The following AKAP6 variants were observed in gnomAD, a reference collection of about 807,000 sequenced individuals.
AKAP6 encodes A-kinase anchoring protein 6.
Under a neutral mutation model 188.5 loss-of-function variants are expected in AKAP6, and 58 were observed. The ratio of observed to expected loss-of-function variants is 0.31; its 90% CI spans 0.25 to 0.38. The LOEUF is 0.38. AKAP6 is among the 10% of genes least tolerant of loss of function. AKAP6 has a pLI of 1.00. For synonymous variants in AKAP6, 989 were observed against 998.6 expected (o/e 0.99, Z 0.18); for missense variants, 2,710 against 2,740.0 (o/e 0.99, Z 0.24).
chr14:32,453,660 G>A (rs1296665505), intron 2 of AKAP6, among the ~76,000 whole-genome samples: 31 of 129,236 alleles, frequency 2.4e-4, no homozygotes, highest in African/African-American at 8.6e-4. Flanking sequence ...GCAGTGGCGC[G>A]ATCTCCGCTC....
At chr14:32,596,161 G>A (rs572115987) in intron 5 of AKAP6, among the ~76,000 whole-genome samples, 3 of 152,190 alleles carry the variant, frequency 2.0e-5, no homozygotes, top group South Asian at 2.1e-4. Context: ...GGACATTTAA[G>A]CTTTTGAATG....
chr14:32,496,887 T>C (rs1381886866), intron 2 of AKAP6, among the ~76,000 whole-genome samples: 1 of 152,184 alleles, frequency 6.6e-6, no homozygotes, highest in East Asian at 1.9e-4. Flanking sequence ...GAGAGCTGTC[T>C]AGTTAAAAAG....
At chr14:32,342,933 C>T (rs557420189) in intron 1 of AKAP6, among the ~76,000 whole-genome samples, 1 of 152,140 alleles carries the variant, frequency 6.6e-6, no homozygotes, top group Non-Finnish European at 1.5e-5. Flanking sequence ...GAATTAATTC[C>T]AGTAGGCAGG....
intron 1 of AKAP6, among the ~76,000 whole-genome samples, chr14:32,374,346 A>C (rs1888096816): frequency 6.6e-6 from 1 of 152,258 alleles, no homozygotes; most frequent in African/African-American, 2.4e-5. Flanking sequence ...CCGGGGAGTC[A>C]TCCCAGAGGA....
intron 5 of AKAP6, among the ~76,000 whole-genome samples, chr14:32,585,046 C>A (rs1009281612): frequency 6.7e-5 from 10 of 148,196 alleles, no homozygotes; most frequent in African/African-American, 2.5e-4. Flanking sequence ...TTTTTTTTCC[C>A]CTTTAAGAGA....
At chr14:32,394,557 T>C (rs28440793) in intron 1 of AKAP6, among the ~76,000 whole-genome samples, 100 of 152,320 alleles carry the variant, frequency 6.6e-4, no homozygotes, top group African/African-American at 2.2e-3. Context: ...GGTTACCTAC[T>C]CTGAGAGAAA....
chr14:32,366,591 T>C (rs1887842269), intron 1 of AKAP6, among the ~76,000 whole-genome samples: 1 of 152,170 alleles, frequency 6.6e-6, no homozygotes, highest in Admixed American at 6.5e-5. Flanking sequence ...GGTTTTAGAA[T>C]GTTGACTTTA....
At chr14:32,582,266 A>T (rs1044457088) in intron 5 of AKAP6, among the ~76,000 whole-genome samples, 6 of 150,648 alleles carry the variant, frequency 4.0e-5, no homozygotes, top group African/African-American at 1.5e-4. Context: ...CTTAGTTTGG[A>T]TGGATATGAA....
At chr14:32,733,221 C>G (rs1315594536) in intron 10 of AKAP6, 3 of 154,696 alleles carry the variant, frequency 1.9e-5, no homozygotes, top group African/African-American at 7.2e-5. Flanking sequence ...GACTGAGATG[C>G]AAGAATCTGG....
intron 13 of AKAP6, among the ~76,000 whole-genome samples, chr14:32,827,163 A>G (rs1594992207): frequency 6.6e-6 from 1 of 152,248 alleles, no homozygotes; most frequent in Non-Finnish European, 1.5e-5. Flanking sequence ...TGTCAAGAAT[A>G]CATAGTAAAA....
chr14:32,486,043 C>CA (rs1415330810), intron 2 of AKAP6, among the ~76,000 whole-genome samples: 4 of 152,248 alleles, frequency 2.6e-5, no homozygotes, highest in African/African-American at 9.6e-5. Context: ...TATGGCTAGC[C>CA]AGTTTTCCCA....
At chr14:32,545,171 G>C in intron 3 of AKAP6, 59 bp from the exon 4 acceptor site, 2 of 1,489,988 alleles carry the variant, frequency 1.3e-6, no homozygotes, top group Non-Finnish European at 1.8e-6. Context: ...CATTTACATA[G>C]CAGCTGATGT....
intron 1 of AKAP6, among the ~76,000 whole-genome samples, chr14:32,380,566 CA>C (rs2138549591): frequency 6.6e-6 from 1 of 152,222 alleles, no homozygotes; most frequent in East Asian, 1.9e-4. Context: ...GTCGGTGGTT[CA>C]GACATTAGTA....
chr14:32,554,837 C>T (rs968414120), intron 4 of AKAP6, among the ~76,000 whole-genome samples: 4 of 152,130 alleles, frequency 2.6e-5, no homozygotes, highest in Admixed American at 6.5e-5. Flanking sequence ...TGGGATATAG[C>T]GCATGGTCCG....
chr14:32,567,953 G>T (rs1055466245), intron 4 of AKAP6, among the ~76,000 whole-genome samples: 3 of 152,088 alleles, frequency 2.0e-5, no homozygotes, highest in African/African-American at 4.8e-5. Context: ...GAGGAGAAGT[G>T]GGGGAAGAGA....
In AKAP6 at chr14:32,372,008, T is replaced by C. The variant is rs555799273; in HGVS notation, c.-35+42600T>C. On this transcript the variant is annotated intron_variant, in intron 1 of 13. Coordinates refer to ENST00000280979, the MANE Select transcript of AKAP6 (RefSeq NM_004274.5). ...TTCTCTCCTTCCTTCTCTTTTTTTT[T>C]CCCTACACATATTTATAAGTACCTA... Among the ~76,000 whole-genome samples, 14 of 152,236 alleles carry C rather than the reference T, an allele frequency of 9.2e-5. No individual in the cohort carries two copies. The East Asian group carries it at 2.3e-3, about 25-fold the overall frequency.
At chr14:32,431,036 C>T (rs1030201686) in intron 1 of AKAP6, among the ~76,000 whole-genome samples, 8 of 151,328 alleles carry the variant, frequency 5.3e-5, no homozygotes, top group Non-Finnish European at 1.0e-4. Context: ...ACCCGGGAGG[C>T]AGAGCTTGCA....
Position 32,824,509 on chromosome 14 carries a change from C to T in AKAP6, c.6696C>T (p.Pro2232=), listed in dbSNP as rs1359789823. 6.2e-7 allele frequency: 1 copy of T among 1,613,830 alleles called. No homozygotes were observed. The highest frequency in any genetic ancestry group is 2.2e-5 in the East Asian group (1 of 44,878). ...AEVGKEVNGL[P]QTSSGCAENL... ...TTGGAAAGGAAGTGAATGGTTTGCC[C>T]CAAACTTCCAGTGGCTGTGCAGAAA... Residue 2232 remains proline, a synonymous_variant, in exon 13 of 14, where the codon CCC becomes CCT. Coordinates refer to ENST00000280979, the MANE Select transcript of AKAP6 (RefSeq NM_004274.5).
chr14:32,782,303 C>T (rs2033277984), intron 12 of AKAP6, among the ~76,000 whole-genome samples: 1 of 148,854 alleles, frequency 6.7e-6, no homozygotes, highest in Non-Finnish European at 1.5e-5. Flanking sequence ...TAACATCATA[C>T]TCAATAGGAA....
Sources: gnomAD v4.1 joint callset for allele counts (sites outside exome capture counted in the v4.1 genomes callset) on GRCh38, gnomAD v4.1.1 for gene constraint, MANE v1.5 for transcripts, NCBI Gene and HGNC (gene_info 2026-07-23, HGNC 2026-07-21) for gene names.